Variants in CDH13 observed in about 807,000 individuals in gnomAD.
CDH13 encodes cadherin 13, also known as cadherin-13.
In CDH13, 24 loss-of-function variants were observed where a neutral mutation model predicts 63.8. The ratio of observed to expected loss-of-function variants is 0.38; its 90% CI spans 0.27 to 0.53. The LOEUF (loss-of-function observed/expected upper bound fraction) is 0.53. Ranked by LOEUF, CDH13 falls within the 20% of genes least tolerant of loss-of-function variation. The pLI, the probability that CDH13 is intolerant of heterozygous loss-of-function variation, is 0.85. For missense variants in CDH13, 1,049 were observed against 903.1 expected, an observed-to-expected ratio of 1.16 and a Z score of -2.07; for synonymous variants, 503 against 355.3, an observed-to-expected ratio of 1.42 and a Z score of -4.67.
At chr16:82,897,117 G>A (rs751217059) in intron 2 of CDH13, among the ~76,000 whole-genome samples, 6 of 152,110 alleles carry the variant, frequency 3.9e-5, no homozygotes, top group African/African-American at 1.4e-4. Context: ...TGGGAGTGCT[G>A]TCAGAGAGTA....
At chr16:83,346,045 C>CT in intron 6 of CDH13, among the ~76,000 whole-genome samples, 1 of 152,268 alleles carries the variant, frequency 6.6e-6, no homozygotes, top group East Asian at 1.9e-4. Flanking sequence ...TAAAACCTCC[C>CT]GTCAGCTTCA....
chr16:83,645,638 A>T (rs1911721346), intron 8 of CDH13, among the ~76,000 whole-genome samples: 1 of 151,994 alleles, frequency 6.6e-6, no homozygotes, highest in African/African-American at 2.4e-5. Flanking sequence ...AAACCTCAGC[A>T]GCAAAGCCCC....
At chr16:83,489,567 G>C (rs73603861) in intron 7 of CDH13, among the ~76,000 whole-genome samples, 2 of 152,184 alleles carry the variant, frequency 1.3e-5, no homozygotes. Flanking sequence ...GTGATTCCAA[G>C]TTCTTGTCTT....
chr16:83,751,400 G>C (rs1567572045), intron 11 of CDH13, among the ~76,000 whole-genome samples: 2 of 151,772 alleles, frequency 1.3e-5, no homozygotes, highest in African/African-American at 4.8e-5. Context: ...TTCAAGACCA[G>C]CCTGGCCAAC....
chr16:83,297,694 G>T (rs2089635234), intron 5 of CDH13, among the ~76,000 whole-genome samples: 1 of 152,166 alleles, frequency 6.6e-6, no homozygotes, highest in East Asian at 1.9e-4. Flanking sequence ...GGAGATTTCA[G>T]TGTCAGATAA....
In CDH13 at chr16:83,602,035, G is replaced by A. The variant is rs548806868; in HGVS notation, c.961-419G>A. On this transcript the variant is annotated intron_variant, in intron 7 of 13. Coordinates refer to ENST00000567109, the MANE Select transcript of CDH13 (RefSeq NM_001257.5). ...TGGAACCCGGGAGGCGGAGGTTGCA[G>A]TGAGCCGAGATTGCGCCACTGTACT... Among the ~76,000 whole-genome samples, 3 of 134,006 alleles carry A rather than the reference G, an allele frequency of 2.2e-5. No homozygotes were observed. In the South Asian group the frequency reaches 7.7e-4, roughly 34 times the overall value. The allele number at this position is 134,006 out of a possible 152,430, so 87.9% of individuals were successfully genotyped here.
intron 3 of CDH13, among the ~76,000 whole-genome samples, chr16:83,119,438 C>T (rs903149676): frequency 3.3e-5 from 5 of 152,174 alleles, no homozygotes; most frequent in African/African-American, 1.2e-4. Flanking sequence ...TCTACTCTAG[C>T]ACTGGTACCC....
chr16:83,280,944 A>G (rs1241350509), intron 5 of CDH13, among the ~76,000 whole-genome samples: 4 of 152,210 alleles, frequency 2.6e-5, no homozygotes, highest in Non-Finnish European at 5.9e-5. Flanking sequence ...GTGTTAACAG[A>G]TGTGCTGTCA....
chr16:82,783,699 T>C (rs907709871), intron 1 of CDH13, among the ~76,000 whole-genome samples: 3 of 152,232 alleles, frequency 2.0e-5, no homozygotes, highest in African/African-American at 4.8e-5. Context: ...CGGCTACATA[T>C]GTATTGCTTT....
At chr16:82,704,503 A>C (rs965893831) in intron 1 of CDH13, among the ~76,000 whole-genome samples, 1 of 152,180 alleles carries the variant, frequency 6.6e-6, no homozygotes, top group Non-Finnish European at 1.5e-5. Flanking sequence ...ACTCCTCCAC[A>C]TCTCAAGACC....
chr16:82,656,837 A>G (rs1027321238), intron 1 of CDH13, among the ~76,000 whole-genome samples: 1 of 151,370 alleles, frequency 6.6e-6, no homozygotes, highest in Non-Finnish European at 1.5e-5. Context: ...ATAATATAGT[A>G]TGTAGCCTTT....
intron 6 of CDH13, among the ~76,000 whole-genome samples, chr16:83,458,215 T>C (rs1339326296): frequency 1.3e-5 from 2 of 152,196 alleles, no homozygotes; most frequent in African/African-American, 4.8e-5. Context: ...CAAGATCTGC[T>C]GTTTCTCCTG....
intron 1 of CDH13, among the ~76,000 whole-genome samples, chr16:82,761,726 G>A (rs955861196): frequency 6.6e-6 from 1 of 152,160 alleles, no homozygotes; most frequent in African/African-American, 2.4e-5. Context: ...TTTCCAAGTT[G>A]CATTGTGATG....
At chr16:82,854,846 C>G (rs776364106) in intron 1 of CDH13, among the ~76,000 whole-genome samples, 9 of 152,208 alleles carry the variant, frequency 5.9e-5, no homozygotes, top group African/African-American at 7.2e-5. Flanking sequence ...TGCCTCTTTT[C>G]TTTTTGAGAC....
chr16:83,692,914 T>A (rs1905049014), intron 10 of CDH13, among the ~76,000 whole-genome samples: 1 of 152,096 alleles, frequency 6.6e-6, no homozygotes, highest in South Asian at 2.1e-4. Context: ...AAACCCCGCC[T>A]CTACTAAAAA....
intron 1 of CDH13, among the ~76,000 whole-genome samples, chr16:82,652,955 G>A (rs13333080): frequency 0.24 from 37,089 of 151,986 alleles, 4,633 homozygotes; most frequent in Middle Eastern, 0.28. Context: ...TCATTGATTC[G>A]TTCATTCATG....
chr16:82,898,394 A>G (rs958889453), intron 2 of CDH13, among the ~76,000 whole-genome samples: 1 of 152,198 alleles, frequency 6.6e-6, no homozygotes, highest in African/African-American at 2.4e-5. Context: ...GCATGCTGGC[A>G]TGTGCCTGTA....
In CDH13 at chr16:82,894,160, C is replaced by T. The variant is rs572353834; in HGVS notation, c.157+35687C>T. Among the ~76,000 whole-genome samples the T allele has an allele frequency of 2.0e-5, 3 of 152,300 alleles. No homozygotes were observed. In the South Asian group the frequency reaches 6.2e-4, roughly 32 times the overall value. On this transcript the variant is annotated intron_variant, in intron 2 of 13. Transcript: ENST00000567109. ...GTACATAGGACAGGCCAGTTTTGTT[C>T]TCCAGGCTGGTCTCGAACTCCTGGG...
intron 2 of CDH13, among the ~76,000 whole-genome samples, chr16:83,000,263 T>TTTG (rs1912748366): frequency 8.5e-6 from 1 of 117,722 alleles, no homozygotes; most frequent in African/African-American, 3.3e-5. Flanking sequence ...TTTTTTTTTT[T>TTTG]TGAGACAGAG....
Sources: gnomAD v4.1 joint callset for allele counts (sites outside exome capture counted in the v4.1 genomes callset) on GRCh38, gnomAD v4.1.1 for gene constraint, MANE v1.5 for transcripts, NCBI Gene and HGNC (gene_info 2026-07-23, HGNC 2026-07-21) for gene names.